DPYSL3: variants seen among roughly 807,000 people sequenced by gnomAD.
DPYSL3 encodes the protein dihydropyrimidinase like 3.
A neutral mutation model predicts 66.1 loss-of-function variants in DPYSL3; 16 were observed. The ratio of observed to expected loss-of-function variants is 0.24; its 90% CI spans 0.16 to 0.37. The LOEUF (loss-of-function observed/expected upper bound fraction) is 0.37, where lower values mean the gene tolerates loss of function less well. Among genes scored for constraint, DPYSL3 ranks in the 10% least tolerant of loss-of-function variants. The pLI, the probability that DPYSL3 is intolerant of heterozygous loss-of-function variation, is 1.00. For missense variants in DPYSL3, 738 were observed against 916.2 expected, an observed-to-expected ratio of 0.81 and a Z score of 2.51; for synonymous variants, 338 against 345.1, an observed-to-expected ratio of 0.98 and a Z score of 0.23.
intron 1 of DPYSL3, among the ~76,000 whole-genome samples, chr5:147,434,907 T>C (rs1752389383): frequency 6.6e-6 from 1 of 152,206 alleles, no homozygotes; most frequent in African/African-American, 2.4e-5. Context: ...TAATGTAAAC[T>C]GGACTCTCTT....
chr5:147,446,456 A>C (rs1056669132), intron 1 of DPYSL3, among the ~76,000 whole-genome samples: 1 of 152,252 alleles, frequency 6.6e-6, no homozygotes, highest in Admixed American at 6.5e-5. Flanking sequence ...GAGAAAAGAA[A>C]TAGTAATTAG....
intron 8 of DPYSL3, 54 bp from the exon 9 acceptor site, chr5:147,401,750 G>T (rs779724844): frequency 5.2e-5 from 83 of 1,597,814 alleles, no homozygotes; most frequent in Non-Finnish European, 6.3e-5. Flanking sequence ...TGCTGCACTG[G>T]GCCAAGCCTA....
intron 5 of DPYSL3, 83 bp from the exon 6 acceptor site, chr5:147,412,771 A>G (rs1350816520): frequency 8.3e-7 from 1 of 1,202,168 alleles, no homozygotes; most frequent in Non-Finnish European, 1.2e-6. Context: ...GCCCAAGCTA[A>G]AACAGATGGG....
At position 147,405,685 on chromosome 5, in the gene DPYSL3, T is replaced by C. The variant is rs1288298071; in HGVS notation, c.1078A>G (p.Thr360Ala). ...VFRAITIASQ[T>A]NCPLYVTKVM... is the part of the protein sequence containing the mutation. ...TTTGTGACGTAGAGAGGGCAATTGGTTTGGCTGGCAATGGTGATGGCACGG... is the reference window on the plus strand; with the variant it reads ...TTTGTGACGTAGAGAGGGCAATTGGCTTGGCTGGCAATGGTGATGGCACGG... The change falls in exon 8 of 14, where the codon ACC (threonine) becomes GCC (alanine). Residue 360 changes from threonine to alanine, a missense_variant. Coordinates refer to ENST00000343218, the MANE Select transcript of DPYSL3 (RefSeq NM_001197294.2). 3.7e-6 allele frequency: 6 copies of C among 1,613,948 alleles called. No individual in the cohort carries two copies. The highest frequency in any genetic ancestry group is 5.1e-6 in the Non-Finnish European group (6 of 1,179,984).
intron 1 of DPYSL3, among the ~76,000 whole-genome samples, chr5:147,479,311 A>G (rs375140524): frequency 1.3e-5 from 2 of 152,178 alleles, no homozygotes; most frequent in African/African-American, 2.4e-5. Context: ...CTACTCCACA[A>G]TCAAAATCCT....
At chr5:147,424,205 A>C (rs530733008) in intron 2 of DPYSL3, among the ~76,000 whole-genome samples, 1 of 152,198 alleles carries the variant, frequency 6.6e-6, no homozygotes, top group African/African-American at 2.4e-5. Context: ...AATAAAACTA[A>C]AAGAGGCCAG....
At chr5:147,497,251 G>A (rs1350468728) in intron 1 of DPYSL3, among the ~76,000 whole-genome samples, 1 of 145,702 alleles carries the variant, frequency 6.9e-6, no homozygotes, top group Non-Finnish European at 1.5e-5. Context: ...GGACTGTTGT[G>A]GGGTGGGGGG....
rs1480386473 is a variant in DPYSL3, at chr5:147,394,018, C to T, written c.*17G>A. 1 of 1,613,602 alleles carries T rather than the reference C, an allele frequency of 6.2e-7. No individual in the cohort carries two copies. The highest frequency in any genetic ancestry group is 8.5e-7 in the Non-Finnish European group (1 of 1,179,766). On this transcript the variant is annotated 3_prime_UTR_variant, in exon 14 of 14. Transcript: ENST00000343218. Reference sequence around the variant, plus strand: ...AATCTCTTCTTGCTTCTGCCCCTCTCTTTGAGGAAGGCTTGCTTAACTCAG... The same window carrying T: ...AATCTCTTCTTGCTTCTGCCCCTCTTTTTGAGGAAGGCTTGCTTAACTCAG...
At chr5:147,400,906 T>G (rs928823013) in intron 9 of DPYSL3, 73 bp from the exon 10 acceptor site, 2 of 1,558,668 alleles carry the variant, frequency 1.3e-6, no homozygotes, top group African/African-American at 2.7e-5. Context: ...GAGTCTTGTG[T>G]TTACTGTGAG....
chr5:147,413,439 T>G (rs1751896449), intron 5 of DPYSL3, among the ~76,000 whole-genome samples, 157 bp downstream of exon 5: 1 of 152,118 alleles, frequency 6.6e-6, no homozygotes, highest in Admixed American at 6.6e-5. Context: ...GTTACCTTAT[T>G]TAAAATGTAG....
chr5:147,434,270 A>G (rs1752373714), intron 1 of DPYSL3, among the ~76,000 whole-genome samples: 1 of 152,178 alleles, frequency 6.6e-6, no homozygotes, highest in Admixed American at 6.5e-5. Context: ...TGCTTTAGAG[A>G]GCTAATTCAT....
At chr5:147,497,300 A>G (rs1753533939) in intron 1 of DPYSL3, among the ~76,000 whole-genome samples, 1 of 152,048 alleles carries the variant, frequency 6.6e-6, no homozygotes, top group Non-Finnish European at 1.5e-5. Context: ...ACCTAATGCT[A>G]AATGACGAGT....
intron 1 of DPYSL3, among the ~76,000 whole-genome samples, chr5:147,497,727 G>A (rs1025155203): frequency 2.0e-5 from 3 of 150,684 alleles, no homozygotes; most frequent in Non-Finnish European, 4.4e-5. Context: ...AAAACTTAGC[G>A]AAGTAGGAAG....
chr5:147,487,415 G>A (rs77818953), intron 1 of DPYSL3, among the ~76,000 whole-genome samples: 1,736 of 152,190 alleles, frequency 0.011, 65 homozygotes, highest in East Asian at 0.087. Flanking sequence ...CTTAGTTATC[G>A]TAACTACCTC....
rs113432398 is a variant in DPYSL3, at chr5:147,421,944, C to T, written c.470+2931G>A. Among the ~76,000 whole-genome samples the T allele has an allele frequency of 9.9e-3, 1,500 of 152,258 alleles. 30 individuals carry two copies. The highest frequency in any genetic ancestry group is 0.035 in the African/African-American group (1,453 of 41,560). On this transcript the variant is annotated intron_variant, in intron 2 of 13. Transcript: ENST00000343218. ...TAGGCAATACCACTCAGGGCATAGG[C>T]ATGGGCAAAGACTTCATGACTAAAA... is the stretch of plus-strand genomic sequence containing the variant.
chr5:147,497,721 C>G (rs898638144), intron 1 of DPYSL3, among the ~76,000 whole-genome samples: 1 of 148,100 alleles, frequency 6.8e-6, no homozygotes, highest in Admixed American at 6.8e-5. Context: ...AAAAAAAAAA[C>G]TTAGCGAAGT....
chr5:147,395,148 G>A (rs374088307), intron 13 of DPYSL3, among the ~76,000 whole-genome samples: 4 of 152,298 alleles, frequency 2.6e-5, no homozygotes, highest in African/African-American at 7.2e-5. Context: ...GTTAGAAGAC[G>A]CTACTGCAAT....
intron 1 of DPYSL3, among the ~76,000 whole-genome samples, chr5:147,466,590 A>G (rs887640117): frequency 8.5e-5 from 13 of 152,314 alleles, no homozygotes; most frequent in Non-Finnish European, 1.5e-4. Context: ...ATGGAAGCAC[A>G]TGTGATTGAG....
intron 1 of DPYSL3, among the ~76,000 whole-genome samples, chr5:147,437,603 T>C (rs1752435854): frequency 6.6e-6 from 1 of 151,816 alleles, no homozygotes; most frequent in African/African-American, 2.4e-5. Context: ...CCATGGAGAG[T>C]GTGGAAGGAA....
Sources: gnomAD v4.1 joint callset for allele counts (sites outside exome capture counted in the v4.1 genomes callset) on GRCh38, gnomAD v4.1.1 for gene constraint, MANE v1.5 for transcripts, NCBI Gene and HGNC (gene_info 2026-07-23, HGNC 2026-07-21) for gene names.